The following SVIL variants were observed in gnomAD, a reference collection of about 807,000 sequenced individuals.
The protein encoded by SVIL is supervillin, also known as archvillin.
A neutral mutation model predicts 240.4 loss-of-function variants in SVIL; 101 were observed. That is an observed-to-expected ratio of 0.42 (90% CI 0.36 to 0.50). The LOEUF (loss-of-function observed/expected upper bound fraction) is 0.50, where lower values mean the gene tolerates loss of function less well. Among genes scored for constraint, SVIL ranks in the 20% least tolerant of loss-of-function variants. The pLI is 0.01. For missense variants in SVIL, 2,512 were observed against 2,818.7 expected (o/e 0.89, Z 2.46); for synonymous variants, 999 against 1,100.0 (o/e 0.91, Z 1.82).
intron 1 of SVIL, among the ~76,000 whole-genome samples, chr10:29,628,276 C>T (rs867354065): frequency 6.6e-6 from 1 of 151,992 alleles, no homozygotes; most frequent in Non-Finnish European, 1.5e-5. Context: ...TTGGCTGGAG[C>T]GGTTTGTTTG....
intron 16 of SVIL, among the ~76,000 whole-genome samples, chr10:29,515,145 C>G (rs1039447142): frequency 6.6e-6 from 1 of 152,210 alleles, no homozygotes; most frequent in African/African-American, 2.4e-5. Context: ...TGCTCAATCT[C>G]TAGAACTGGG....
At chr10:29,521,060 A>C (rs1950532386) in intron 16 of SVIL, among the ~76,000 whole-genome samples, 2 of 151,822 alleles carry the variant, frequency 1.3e-5, no homozygotes, top group Non-Finnish European at 2.9e-5. Context: ...CAACTCTACT[A>C]AAAATACAAA....
intron 3 of SVIL, among the ~76,000 whole-genome samples, chr10:29,642,877 G>T (rs1399260907): frequency 1.3e-5 from 2 of 152,088 alleles, no homozygotes; most frequent in African/African-American, 2.4e-5. Context: ...GTAGAGACTG[G>T]GTTTCACCAT....
At chr10:29,547,453 T>A (rs1311171674) in intron 6 of SVIL, among the ~76,000 whole-genome samples, 1 of 152,202 alleles carries the variant, frequency 6.6e-6, no homozygotes, top group Non-Finnish European at 1.5e-5. Flanking sequence ...TTCTTTTAAA[T>A]CTTTTTCATG....
chr10:29,636,663 ATCATACTCACT>A (rs1269766656), upstream of SVIL, among the ~76,000 whole-genome samples: 1 of 152,220 alleles, frequency 6.6e-6, no homozygotes, highest in African/African-American at 2.4e-5. Flanking sequence ...TAGAAGACTC[ATCATACTCACT>A]TCTTTCCAAT....
At chr10:29,574,467 G>T (rs533057067) in intron 1 of SVIL, among the ~76,000 whole-genome samples, 8 of 152,164 alleles carry the variant, frequency 5.3e-5, no homozygotes, top group Non-Finnish European at 1.2e-4. Context: ...GAACCATTGG[G>T]ATGCTGACAC....
chr10:29,685,136 T>C (rs1960964488), intron 2 of SVIL, among the ~76,000 whole-genome samples: 1 of 152,214 alleles, frequency 6.6e-6, no homozygotes, highest in Admixed American at 6.5e-5. Context: ...GTGTTCCCAT[T>C]GTTTAGCTTC....
chr10:29,461,177 G>C (rs910208999), intron 36 of SVIL, among the ~76,000 whole-genome samples: 1 of 152,186 alleles, frequency 6.6e-6, no homozygotes, highest in Non-Finnish European at 1.5e-5. Context: ...GCTTTCTTCT[G>C]TGTAGTGAGC....
chr10:29,706,140 A>G lies in SVIL; in HGVS notation c.-399-19489T>C, dbSNP rs1315834806. ...AACATGTGTGTGCATGTGTCTTTAT[A>G]GTAGAATGATTTATATTCCTTGGGG... is the stretch of plus-strand genomic sequence containing the variant. On this transcript the variant is annotated intron_variant, in intron 1 of 35. Coordinates refer to the SVIL transcript ENST00000375400. Among the ~76,000 whole-genome samples, 3 of 152,314 alleles carry G rather than the reference A, an allele frequency of 2.0e-5. No individual in the cohort carries two copies. In the East Asian group the frequency reaches 5.8e-4, roughly 29 times the overall value.
In SVIL at chr10:29,591,578, T is replaced by C. The variant is rs182979970; in HGVS notation, c.-200-22266A>G. Among the ~76,000 whole-genome samples the C allele has an allele frequency of 2.1e-4, 32 of 152,318 alleles. No individual in the cohort carries two copies. In the East Asian group the frequency reaches 6.2e-3, roughly 29 times the overall value. ...ATAAGCATTGCTACTGTGCGAACATTTTACTCAGAATCTCACCTCTGACAA... is the reference window on the plus strand; with the variant it reads ...ATAAGCATTGCTACTGTGCGAACATCTTACTCAGAATCTCACCTCTGACAA... On this transcript the variant is annotated intron_variant, in intron 1 of 37. Coordinates refer to ENST00000355867, the MANE Select transcript of SVIL (RefSeq NM_021738.3).
Position 29,473,595 on chromosome 10 carries a change from A to G in SVIL, c.5529+243T>C. 5.3e-6 allele frequency: 3 copies of G among 561,938 alleles called. No homozygotes were observed. In the East Asian group the frequency reaches 9.2e-5, roughly 17 times the overall value. 34.8% of individuals were successfully genotyped at this position (561,938 alleles called of 1,614,324 possible). A position where few individuals can be genotyped will look rare whatever the true frequency, so the allele number is the denominator to read the frequency against. On this transcript the variant is annotated intron_variant, in intron 30 of 37. Transcript: ENST00000355867. ...CACCCATTGGCCATCTGCACTTGTCATGTGGATTTCCTATTTGCAGATACA... is the reference window on the plus strand; with the variant it reads ...CACCCATTGGCCATCTGCACTTGTCGTGTGGATTTCCTATTTGCAGATACA...
chr10:29,524,859 G>T, intron 13 of SVIL, 144 bp from the exon 14 acceptor site: 1 of 1,276,888 alleles, frequency 7.8e-7, no homozygotes, highest in Non-Finnish European at 1.1e-6. Context: ...GAGGCAGGCA[G>T]CTGTTCAGCT....
intron 1 of SVIL, among the ~76,000 whole-genome samples, chr10:29,602,857 G>A (rs974189717): frequency 7.9e-5 from 12 of 152,110 alleles, no homozygotes; most frequent in African/African-American, 2.9e-4. Flanking sequence ...GTGGTGGCAG[G>A]CACCTGTAAT....
intron 3 of SVIL, among the ~76,000 whole-genome samples, chr10:29,656,091 G>A (rs1369649602): frequency 1.3e-5 from 2 of 151,276 alleles, no homozygotes; most frequent in Non-Finnish European, 2.9e-5. Context: ...GGATGATCTC[G>A]ATCTCCTGAC....
intron 1 of SVIL, among the ~76,000 whole-genome samples, chr10:29,632,301 G>A (rs917655073): frequency 3.9e-5 from 6 of 151,944 alleles, no homozygotes; most frequent in African/African-American, 1.5e-4. Context: ...GACCAACCTG[G>A]GCAACATGAT....
At chr10:29,505,171 A>G (rs1436894738) in intron 17 of SVIL, among the ~76,000 whole-genome samples, 1 of 152,022 alleles carries the variant, frequency 6.6e-6, no homozygotes, top group Admixed American at 6.6e-5. Context: ...AAAAATACAA[A>G]ACAATTACCT....
chr10:29,611,218 T>C (rs1382559986), intron 1 of SVIL, among the ~76,000 whole-genome samples: 1 of 152,172 alleles, frequency 6.6e-6, no homozygotes, highest in African/African-American at 2.4e-5. Flanking sequence ...AATGCAATTC[T>C]TGGTTAACTC....
intron 1 of SVIL, among the ~76,000 whole-genome samples, chr10:29,722,139 G>T (rs558438933): frequency 6.6e-6 from 1 of 151,500 alleles, no homozygotes; most frequent in East Asian, 1.9e-4. Context: ...TGGGGAGGCT[G>T]AGGCCAGAGA....
chr10:29,709,667 C>A (rs962383827), intron 1 of SVIL, among the ~76,000 whole-genome samples: 3 of 152,172 alleles, frequency 2.0e-5, no homozygotes, highest in African/African-American at 4.8e-5. Context: ...AGGGGCGTCA[C>A]CCCAGTGAGT....
Sources: allele counts gnomAD v4.1 joint callset (sites outside exome capture counted in the v4.1 genomes callset), GRCh38; gene constraint gnomAD v4.1.1; transcripts MANE v1.5; gene names NCBI Gene and HGNC (gene_info 2026-07-23, HGNC 2026-07-21).